DNER: variants seen among roughly 807,000 people sequenced by gnomAD.
The protein encoded by DNER is delta/notch like EGF repeat containing.
A neutral mutation model predicts 78.2 loss-of-function variants in DNER; 33 were observed. The observed-to-expected ratio is 0.42, with a 90% confidence interval of 0.32 to 0.56. The LOEUF is 0.56. Among genes scored for constraint, DNER ranks in the 20% least tolerant of loss-of-function variants. DNER has a pLI of 0.11. For synonymous variants in DNER, 417 were observed against 384.8 expected, an observed-to-expected ratio of 1.08 and a Z score of -0.98; for missense variants, 918 against 975.3, an observed-to-expected ratio of 0.94 and a Z score of 0.78.
rs1230958389 is a variant in DNER, at chr2:229,714,540, G to A, written c.-117C>T. ...CGGCTAGGGCTGCTCCGCCGGGCCG[G>A]GCGCCTCCTGCAGCTGCGGGATCCG... On this transcript the variant is annotated 5_prime_UTR_variant, in exon 1 of 13. Transcript: ENST00000341772. 1.9e-6 allele frequency: 2 copies of A among 1,033,036 alleles called. No individual in the cohort carries two copies. The highest frequency in any genetic ancestry group is 2.3e-6 in the Non-Finnish European group (2 of 860,478). 64.0% of individuals were successfully genotyped at this position (1,033,036 alleles called of 1,614,324 possible).
intron 1 of DNER, among the ~76,000 whole-genome samples, chr2:229,644,436 C>T (rs1010342214): frequency 6.6e-6 from 1 of 150,470 alleles, no homozygotes; most frequent in Non-Finnish European, 1.5e-5. Flanking sequence ...CTCCACCTCC[C>T]GGGTTCAAGC....
intron 1 of DNER, among the ~76,000 whole-genome samples, chr2:229,638,744 T>C (rs1229874149): frequency 6.6e-6 from 1 of 152,168 alleles, no homozygotes; most frequent in African/African-American, 2.4e-5. Context: ...AAGTCCAAAA[T>C]AAAAATATTA....
intron 5 of DNER, among the ~76,000 whole-genome samples, chr2:229,542,982 T>C (rs1696545911): frequency 6.6e-6 from 1 of 151,910 alleles, no homozygotes; most frequent in South Asian, 2.1e-4. Flanking sequence ...ATTGCCACAG[T>C]TTCCTTAAAT....
intron 4 of DNER, among the ~76,000 whole-genome samples, chr2:229,561,900 G>A (rs1696965762): frequency 6.7e-6 from 1 of 149,698 alleles, no homozygotes; most frequent in African/African-American, 2.6e-5. Context: ...GTGAGACAAA[G>A]TACAGAAATA....
chr2:229,714,059 C>T, intron 1 of DNER, 89 bp downstream of exon 1: 1 of 1,171,914 alleles, frequency 8.5e-7, no homozygotes, highest in Non-Finnish European at 1.1e-6. Flanking sequence ...TCAGGCGTGC[C>T]CATTGTCGGG....
At chr2:229,590,073 A>G (rs577827097) in intron 2 of DNER, among the ~76,000 whole-genome samples, 1 of 151,966 alleles carries the variant, frequency 6.6e-6, no homozygotes, top group South Asian at 2.1e-4. Flanking sequence ...AAACGATGAA[A>G]CCCGTAATAA....
intron 1 of DNER, among the ~76,000 whole-genome samples, chr2:229,700,130 A>T (rs1044379799): frequency 6.6e-6 from 1 of 152,122 alleles, no homozygotes; most frequent in African/African-American, 2.4e-5. Context: ...CCAATTAAAT[A>T]TCATGTTTTA....
intron 1 of DNER, among the ~76,000 whole-genome samples, chr2:229,625,696 G>T (rs1698327048): frequency 6.6e-6 from 1 of 152,130 alleles, no homozygotes; most frequent in African/African-American, 2.4e-5. Context: ...TGAATGAAGA[G>T]GAGAGCATAG....
At chr2:229,398,773 G>A (rs1314132425) in intron 10 of DNER, among the ~76,000 whole-genome samples, 1 of 151,866 alleles carries the variant, frequency 6.6e-6, no homozygotes, top group Non-Finnish European at 1.5e-5. Context: ...TATATTCCAG[G>A]CATGCAAGAC....
intron 4 of DNER, among the ~76,000 whole-genome samples, chr2:229,554,450 G>T (rs1227750128): frequency 6.6e-6 from 1 of 152,160 alleles, no homozygotes; most frequent in Non-Finnish European, 1.5e-5. Context: ...CTAGCACTTT[G>T]GGAGTCCAAG....
intron 5 of DNER, among the ~76,000 whole-genome samples, chr2:229,523,284 T>A (rs1179261417): frequency 6.6e-6 from 1 of 152,216 alleles, no homozygotes; most frequent in African/African-American, 2.4e-5. Flanking sequence ...ACTCTTTCTG[T>A]ATTCGTTTGC....
intron 5 of DNER, among the ~76,000 whole-genome samples, chr2:229,527,771 ATATGGTT>A (rs1366630001): frequency 1.3e-5 from 2 of 152,284 alleles, no homozygotes; most frequent in East Asian, 3.9e-4. Flanking sequence ...TGGCTGGTAA[ATATGGTT>A]TATCTATTTT....
At chr2:229,413,412 T>C (rs1182294012) in intron 9 of DNER, among the ~76,000 whole-genome samples, 1 of 136,028 alleles carries the variant, frequency 7.4e-6, no homozygotes, top group Non-Finnish European at 1.5e-5. Context: ...AATCTCCGCC[T>C]CCCGGGTTCA....
chr2:229,447,742 T>G (rs756672379), intron 7 of DNER, among the ~76,000 whole-genome samples: 1 of 152,200 alleles, frequency 6.6e-6, no homozygotes, highest in African/African-American at 2.4e-5. Flanking sequence ...CACAATTCCA[T>G]TTTTATTGAA....
chr2:229,568,954 T>C (rs557013606), intron 4 of DNER, among the ~76,000 whole-genome samples: 117 of 152,322 alleles, frequency 7.7e-4, no homozygotes, highest in Non-Finnish European at 1.5e-3. Context: ...TGCATCTCTG[T>C]ATATGTGTGC....
chr2:229,659,050 T>C (rs1165882172), intron 1 of DNER, among the ~76,000 whole-genome samples: 1 of 152,150 alleles, frequency 6.6e-6, no homozygotes, highest in African/African-American at 2.4e-5. Context: ...CACTCTCTGG[T>C]CAGAATTCTG....
At chr2:229,383,081 A>C (rs6735664) in intron 11 of DNER, among the ~76,000 whole-genome samples, 2,299 of 152,308 alleles carry the variant, frequency 0.015, 48 homozygotes, top group African/African-American at 0.052. Flanking sequence ...AAACCCTACA[A>C]GCCAGAAGAG....
intron 8 of DNER, among the ~76,000 whole-genome samples, chr2:229,429,529 C>A (rs908155087): frequency 6.6e-6 from 1 of 152,216 alleles, no homozygotes; most frequent in African/African-American, 2.4e-5. Flanking sequence ...TGTGTGGTCA[C>A]CTGGCCTGTG....
At chr2:229,387,837 A>C (rs1267613100) in intron 11 of DNER, among the ~76,000 whole-genome samples, 1 of 150,912 alleles carries the variant, frequency 6.6e-6, no homozygotes, top group Non-Finnish European at 1.5e-5. Context: ...ACACTTGAAC[A>C]CATAAATAAA....
Sources: allele counts gnomAD v4.1 joint callset (sites outside exome capture counted in the v4.1 genomes callset), GRCh38; gene constraint gnomAD v4.1.1; transcripts MANE v1.5; gene names NCBI Gene and HGNC (gene_info 2026-07-23, HGNC 2026-07-21).